Variants in PIP4K2A observed in about 807,000 individuals in gnomAD.
PIP4K2A encodes the protein phosphatidylinositol-5-phosphate 4-kinase type 2 alpha, also known as phosphatidylinositol 5-phosphate 4-kinase type-2 alpha.
In PIP4K2A, 14 loss-of-function variants were observed where a neutral mutation model predicts 42.9. The observed-to-expected ratio is 0.33, with a 90% CI of 0.22 to 0.51. The LOEUF (loss-of-function observed/expected upper bound fraction) is 0.51. Among genes scored for constraint, PIP4K2A ranks in the 20% least tolerant of loss-of-function variants. The probability of loss-of-function intolerance (pLI) is 0.97; values close to 1 mark genes in which losing one functional copy is unlikely to be tolerated. For synonymous variants in PIP4K2A, 192 were observed against 192.2 expected, an observed-to-expected ratio of 1.00 and a Z score of 0.01; for missense variants, 434 against 519.8, an observed-to-expected ratio of 0.83 and a Z score of 1.61.
intron 1 of PIP4K2A, among the ~76,000 whole-genome samples, chr10:22,690,978 C>T (rs1176182224): frequency 6.6e-6 from 1 of 152,174 alleles, no homozygotes; most frequent in Non-Finnish European, 1.5e-5. Context: ...CTGGCACTTG[C>T]TCCAGGGTAG....
At chr10:22,591,390 A>C (rs2058608126) in intron 4 of PIP4K2A, among the ~76,000 whole-genome samples, 1 of 152,234 alleles carries the variant, frequency 6.6e-6, no homozygotes, top group Non-Finnish European at 1.5e-5. Context: ...ATTACACAAG[A>C]GTATTTAGGT....
intron 8 of PIP4K2A, 136 bp from the exon 9 acceptor site, chr10:22,540,210 G>T: frequency 1.5e-6 from 1 of 654,660 alleles, no homozygotes; most frequent in Non-Finnish European, 2.8e-6. Context: ...GGAGTCCAGA[G>T]ACAAACTCTA....
In PIP4K2A at chr10:22,664,156, T is replaced by TATATATAC. The variant is rs1192568298; in HGVS notation, c.144+50026_144+50027insGTATATAT. 5.9e-3 allele frequency among the ~76,000 whole-genome samples: 354 copies of TATATATAC among 59,506 alleles called. 41 individuals are homozygous for TATATATAC. Among genetic ancestry groups the TATATATAC allele is most frequent in the African/African-American group, 0.053 (295 of 5,550 alleles). The allele number at this position is 59,506 out of a possible 152,430, so 39.0% of individuals were successfully genotyped here. On this transcript the variant is annotated intron_variant, in intron 1 of 9. Transcript: ENST00000376573. Reference sequence around the variant, plus strand: ...ATATATATATACATATATATACACATATATATATATACATATATATATATA... The same window carrying TATATATAC: ...ATATATATATACATATATATACACATATATATACATATATATATACATATATATATATA...
intron 6 of PIP4K2A, among the ~76,000 whole-genome samples, chr10:22,565,283 C>A (rs939968935): frequency 2.0e-5 from 3 of 152,230 alleles, no homozygotes; most frequent in Non-Finnish European, 4.4e-5. Context: ...TGACGCCGCA[C>A]TGACTGTTGG....
intron 1 of PIP4K2A, among the ~76,000 whole-genome samples, chr10:22,685,398 TAAG>T (rs976576755): frequency 2.6e-5 from 4 of 152,014 alleles, no homozygotes; most frequent in African/African-American, 7.2e-5. Context: ...ATCTCAGGGT[TAAG>T]AAAGTGAAAA....
chr10:22,569,109 T>C (rs1836919252), intron 5 of PIP4K2A: 1 of 1,245,540 alleles, frequency 8.0e-7, no homozygotes, highest in Admixed American at 2.0e-5. Context: ...GCTCAGGCAT[T>C]GACTAGGATT....
intron 4 of PIP4K2A, among the ~76,000 whole-genome samples, chr10:22,591,202 C>T (rs769077726): frequency 2.0e-5 from 3 of 152,344 alleles, no homozygotes; most frequent in East Asian, 3.9e-4. Flanking sequence ...TTGTGAATGG[C>T]GTGGGCCCTG....
At chr10:22,693,060 G>A (rs759244116) in intron 1 of PIP4K2A, among the ~76,000 whole-genome samples, 1 of 152,166 alleles carries the variant, frequency 6.6e-6, no homozygotes, top group Non-Finnish European at 1.5e-5. Context: ...ATTAATTTTA[G>A]TCCTGTTTTA....
At chr10:22,636,726 T>G (rs963972812) in intron 1 of PIP4K2A, among the ~76,000 whole-genome samples, 5 of 152,220 alleles carry the variant, frequency 3.3e-5, no homozygotes, top group Non-Finnish European at 7.3e-5. Context: ...TGTGGACGAC[T>G]GCATATTAAC....
At chr10:22,669,700 C>T (rs542091229) in intron 1 of PIP4K2A, among the ~76,000 whole-genome samples, 9 of 152,172 alleles carry the variant, frequency 5.9e-5, no homozygotes, top group South Asian at 4.1e-4. Flanking sequence ...AGACGGTCTG[C>T]GACTTGCCAA....
Position 22,541,775 on chromosome 10 carries a change from C to CA in PIP4K2A, c.1036+28dup, listed in dbSNP as rs780388968. 212 of 1,506,952 alleles carry CA rather than the reference C, an allele frequency of 1.4e-4. No individual in the cohort carries two copies. In the East Asian group the frequency reaches 4.2e-3, roughly 30 times the overall value. 93.3% of individuals were successfully genotyped at this position (1,506,952 alleles called of 1,614,324 possible). ...GGCCAAAGTCAAACCACTTCACATG[C>CA]AAAAAGGGTCCACAGTAATCAAACT... On this transcript the variant is annotated intron_variant, in intron 8 of 9. Coordinates refer to ENST00000376573, the MANE Select transcript of PIP4K2A (RefSeq NM_005028.5).
intron 4 of PIP4K2A, among the ~76,000 whole-genome samples, chr10:22,589,598 T>A (rs1002053980): frequency 2.0e-5 from 3 of 152,212 alleles, no homozygotes; most frequent in African/African-American, 7.2e-5. Context: ...ATGCAATTGA[T>A]CATATTTGCA....
At chr10:22,590,681 T>C (rs1215868439) in intron 4 of PIP4K2A, among the ~76,000 whole-genome samples, 6 of 151,954 alleles carry the variant, frequency 3.9e-5, no homozygotes, top group African/African-American at 1.5e-4. Flanking sequence ...CTGGGCAACA[T>C]AGCAAAACTC....
At chr10:22,581,682 C>A (rs1273970751) in intron 4 of PIP4K2A, among the ~76,000 whole-genome samples, 1 of 152,016 alleles carries the variant, frequency 6.6e-6, no homozygotes, top group Non-Finnish European at 1.5e-5. Context: ...TCATTACTTA[C>A]CACATAATAG....
chr10:22,608,067 C>A, intron 2 of PIP4K2A, 44 bp from the exon 3 acceptor site: 1 of 1,302,386 alleles, frequency 7.7e-7, no homozygotes, highest in Non-Finnish European at 1.1e-6. Flanking sequence ...GAGAGTCAAT[C>A]AGACTTGCAT....
chr10:22,695,082 C>T (rs1308721980), intron 1 of PIP4K2A, among the ~76,000 whole-genome samples: 1 of 152,102 alleles, frequency 6.6e-6, no homozygotes, highest in African/African-American at 2.4e-5. Flanking sequence ...CTTCAAATTG[C>T]TTTATCATAA....
At chr10:22,694,180 G>C (rs1241402867) in intron 1 of PIP4K2A, 2 of 152,160 alleles carry the variant, frequency 1.3e-5, no homozygotes, top group Non-Finnish European at 2.9e-5. Flanking sequence ...GATGTGTATA[G>C]GCGAGGGGTA....
In PIP4K2A at chr10:22,612,378, C is replaced by T. The variant is rs533097079; in HGVS notation, c.145-2661G>A. ...CAGATGGGGGAGGCATGTGAGGCTTCCCTGGGCAGCAATGGCTCGTGGAGA... is the reference window on the plus strand; with the variant it reads ...CAGATGGGGGAGGCATGTGAGGCTTTCCTGGGCAGCAATGGCTCGTGGAGA... On this transcript the variant is annotated intron_variant, in intron 1 of 9. Transcript: ENST00000376573. Among the ~76,000 whole-genome samples, 4 of 152,320 alleles carry T rather than the reference C, an allele frequency of 2.6e-5. No individual in the cohort carries two copies. In the East Asian group the frequency reaches 7.7e-4, roughly 29 times the overall value.
chr10:22,620,798 C>T (rs1364961753), intron 1 of PIP4K2A, among the ~76,000 whole-genome samples: 3 of 152,230 alleles, frequency 2.0e-5, no homozygotes. Flanking sequence ...CCACAGGGCT[C>T]TGGTGCCTGC....
Sources: gnomAD v4.1 joint callset for allele counts (sites outside exome capture counted in the v4.1 genomes callset) on GRCh38, gnomAD v4.1.1 for gene constraint, MANE v1.5 for transcripts, NCBI Gene and HGNC (gene_info 2026-07-23, HGNC 2026-07-21) for gene names.